Variants in DISP1 observed in about 807,000 individuals in gnomAD.
DISP1 encodes protein dispatched homolog 1.
Under a neutral mutation model 37.3 loss-of-function variants are expected in DISP1, and 30 were observed. The observed-to-expected ratio is 0.80, with a 90% CI of 0.60 to 1.09. The LOEUF is 1.09. Among genes scored for constraint, DISP1 ranks in the 50% least tolerant of loss-of-function variants. The pLI is 0.00. For missense variants in DISP1, 1,598 were observed against 1,879.5 expected (o/e 0.85, Z 2.77); for synonymous variants, 634 against 690.2 (o/e 0.92, Z 1.28).
At chr1:222,820,925 C>A (rs1662712035) in intron 1 of DISP1, among the ~76,000 whole-genome samples, 1 of 152,124 alleles carries the variant, frequency 6.6e-6, no homozygotes. Flanking sequence ...CTTTATGTTA[C>A]TCCCACAGGT....
chr1:222,841,228 A>G (rs1462247709), intron 1 of DISP1, among the ~76,000 whole-genome samples: 7 of 152,142 alleles, frequency 4.6e-5, no homozygotes, highest in Non-Finnish European at 7.3e-5. Flanking sequence ...CCTTCCTTTT[A>G]AAAGCTTATT....
At chr1:222,819,515 TACACAC>T (rs71175197) in intron 1 of DISP1, among the ~76,000 whole-genome samples, 2 of 139,254 alleles carry the variant, frequency 1.4e-5, no homozygotes, top group South Asian at 2.4e-4. Context: ...GTTATATACA[TACACAC>T]ACACACACAC....
chr1:222,999,031 T>C (rs979552136), intron 8 of DISP1, among the ~76,000 whole-genome samples: 7 of 152,176 alleles, frequency 4.6e-5, no homozygotes, highest in African/African-American at 1.2e-4. Flanking sequence ...TTTTGTTCTT[T>C]TCTCAGCTTC....
In DISP1 at chr1:223,004,816, G is replaced by A; in HGVS notation, c.3419G>A (p.Cys1140Tyr). The part of the protein sequence containing the change: ...MCRCLGPQGT[C>Y]GQIPLPKKLQ... ...CGGTGCCTTGGACCACAGGGTACCT[G>A]TGGTCAGATTCCTTTACCTAAAAAA... The change falls in exon 9 of 9, where the codon TGT becomes TAT. Residue 1140 changes from cysteine (C) to tyrosine (Y), a missense_variant. Coordinates refer to ENST00000675850, the MANE Select transcript of DISP1 (RefSeq NM_001377229.1). This position sits in a 1 kb window ranked among gnomAD's most constrained non-coding sequence, Gnocchi z 4.9. The A allele has an allele frequency of 6.2e-7, 1 of 1,611,596 alleles. No homozygotes were observed. Among genetic ancestry groups the A allele is most frequent in the Non-Finnish European group, 8.5e-7 (1 of 1,179,992 alleles).
At chr1:222,883,672 T>G (rs891633326) in intron 1 of DISP1, among the ~76,000 whole-genome samples, 1 of 152,144 alleles carries the variant, frequency 6.6e-6, no homozygotes, top group South Asian at 2.1e-4. Context: ...GTTCAAGAGT[T>G]TTAAGAGAGA....
intron 1 of DISP1, chr1:222,824,029 C>G (rs1273426941): frequency 6.6e-6 from 1 of 152,004 alleles, no homozygotes; most frequent in Non-Finnish European, 1.5e-5. Context: ...TTTAAATACT[C>G]TGATGACATA....
chr1:223,005,126 T>C lies in DISP1; in HGVS notation c.3729T>C (p.Thr1243=), dbSNP rs1180634241. 6.2e-7 allele frequency: 1 copy of C among 1,614,162 alleles called. No individual in the cohort carries two copies. Among genetic ancestry groups the C allele is most frequent in the Admixed American group, 1.7e-5 (1 of 60,022 alleles). The change falls in exon 9 of 9, where the codon ACT becomes ACC. Residue 1243 remains threonine, a synonymous_variant. Transcript: ENST00000675850. The part of the protein sequence containing the change: ...AAYNSELSKS[T]ESDAGSALLQ... ...ACAACAGTGAACTCAGCAAAAGCACTGAAAGTGACGCTGGCTCTGCCTTGT... is the reference window on the plus strand; with the variant it reads ...ACAACAGTGAACTCAGCAAAAGCACCGAAAGTGACGCTGGCTCTGCCTTGT...
intron 4 of DISP1, among the ~76,000 whole-genome samples, chr1:222,986,908 A>G (rs1296196939): frequency 6.6e-6 from 1 of 152,188 alleles, no homozygotes; most frequent in African/African-American, 2.4e-5. Flanking sequence ...AAGATTTTCA[A>G]TATTAGAGAA....
At chr1:222,958,557 A>G (rs2102578567) in intron 3 of DISP1, among the ~76,000 whole-genome samples, 1 of 152,334 alleles carries the variant, frequency 6.6e-6, no homozygotes, top group Admixed American at 6.5e-5. Flanking sequence ...AGTTATAATC[A>G]TCAGTGTCTA....
At chr1:222,985,610 A>C (rs918934770) in intron 4 of DISP1, among the ~76,000 whole-genome samples, 4 of 152,136 alleles carry the variant, frequency 2.6e-5, no homozygotes, top group Non-Finnish European at 5.9e-5. Context: ...AGATCGTGCC[A>C]CTGCACTCTA....
intron 1 of DISP1, among the ~76,000 whole-genome samples, chr1:222,842,313 T>TAAAA (rs1231331032): frequency 6.7e-6 from 1 of 148,818 alleles, no homozygotes; most frequent in African/African-American, 2.5e-5. Flanking sequence ...CCTGTCATTT[T>TAAAA]AAAAAAAAAA....
At chr1:222,986,960 C>A (rs528852434) in intron 4 of DISP1, among the ~76,000 whole-genome samples, 1 of 152,046 alleles carries the variant, frequency 6.6e-6, no homozygotes, top group African/African-American at 2.4e-5. Flanking sequence ...CAGAAGAATA[C>A]ATGATAGTTA....
intron 1 of DISP1, among the ~76,000 whole-genome samples, chr1:222,919,775 A>G (rs17163574): frequency 0.018 from 2,779 of 152,252 alleles, 74 homozygotes; most frequent in African/African-American, 0.063. Flanking sequence ...ATCTAACCCT[A>G]CTAGCCCTAA....
intron 3 of DISP1, chr1:222,979,921 T>C (rs1026221117): frequency 2.9e-4 from 44 of 153,302 alleles, no homozygotes; most frequent in Admixed American, 7.8e-4. Context: ...TTAGTTCACT[T>C]ATATATAGAT....
chr1:222,997,400 C>T (rs1296526174), intron 8 of DISP1, among the ~76,000 whole-genome samples: 4 of 152,080 alleles, frequency 2.6e-5, no homozygotes, highest in Admixed American at 6.6e-5. Context: ...CCTGCTAAGA[C>T]GGGAGGAGAC....
At chr1:222,998,924 C>T (rs1388207935) in intron 8 of DISP1, among the ~76,000 whole-genome samples, 3 of 152,140 alleles carry the variant, frequency 2.0e-5, no homozygotes, top group East Asian at 3.8e-4. Flanking sequence ...TCTCCCGAGG[C>T]TCCCCTTAAA....
At chr1:222,898,733 T>C (rs2125400834) in intron 1 of DISP1, among the ~76,000 whole-genome samples, 2 of 152,248 alleles carry the variant, frequency 1.3e-5, no homozygotes, top group Non-Finnish European at 2.9e-5. Flanking sequence ...CACACGACAG[T>C]TTACTGCACT....
intron 8 of DISP1, among the ~76,000 whole-genome samples, chr1:223,000,632 G>A (rs546322617): frequency 5.3e-5 from 8 of 152,186 alleles, no homozygotes; most frequent in South Asian, 2.1e-4. Context: ...ATGGACTGTC[G>A]AAATAGGACA....
At chr1:222,859,003 A>C (rs1017425741) in intron 1 of DISP1, among the ~76,000 whole-genome samples, 1 of 152,260 alleles carries the variant, frequency 6.6e-6, no homozygotes, top group Non-Finnish European at 1.5e-5. Context: ...AGGAATATAA[A>C]TCATTCTATT....
Sources: allele counts gnomAD v4.1 joint callset (sites outside exome capture counted in the v4.1 genomes callset), GRCh38; gene constraint gnomAD v4.1.1; non-coding constraint Gnocchi (gnomAD v3.1); transcripts MANE v1.5; gene names NCBI Gene and HGNC (gene_info 2026-07-23, HGNC 2026-07-21).